DUSP13B: variants seen among roughly 807,000 people sequenced by gnomAD.
DUSP13B encodes dual specificity phosphatase 13B.
the DUSP13B span, chr10:75,105,627 C>T: frequency 1.3e-6 from 2 of 1,538,550 alleles, no homozygotes; most frequent in Non-Finnish European, 1.8e-6. Flanking sequence ...CTCTTCCGGC[C>T]AACCACATCC....
At chr10:75,094,981 C>T in the DUSP13B span, 4 of 1,015,610 alleles carry the variant, frequency 3.9e-6, no homozygotes, top group East Asian at 7.9e-5. Context: ...TCCTGGAATA[C>T]TGACACTGTC....
At chr10:75,101,918 C>T in the DUSP13B span, 1 of 1,367,732 alleles carries the variant, frequency 7.3e-7, no homozygotes, top group Non-Finnish European at 9.8e-7. Context: ...GCAGTTCGTG[C>T]TGCTGGCTTT....
the DUSP13B span, among the ~76,000 whole-genome samples, chr10:75,098,870 G>T: frequency 6.6e-6 from 1 of 152,188 alleles, no homozygotes; most frequent in African/African-American, 2.4e-5. Flanking sequence ...AAGCCATACG[G>T]CTCATGAGTA....
At chr10:75,099,570 A>AT in the DUSP13B span, 1 of 1,224,286 alleles carries the variant, frequency 8.2e-7, no homozygotes, top group Non-Finnish European at 1.0e-6. Flanking sequence ...TGGGGCGCCC[A>AT]TGGGGGGTGG....
chr10:75,107,937 G>T, the DUSP13B span: 2 of 1,532,708 alleles, frequency 1.3e-6, no homozygotes, highest in Non-Finnish European at 1.8e-6. Flanking sequence ...AGGAAATGAG[G>T]CATCCTCCCC....
chr10:75,108,402 G>GGT, the DUSP13B span: 15 of 1,025,610 alleles, frequency 1.5e-5, no homozygotes, highest in Non-Finnish European at 1.9e-5. Flanking sequence ...CTGAGCCGGC[G>GGT]GTGTGTGTGT....
chr10:75,094,918 G>C, the DUSP13B span: 53 of 1,585,616 alleles, frequency 3.3e-5, no homozygotes, highest in Middle Eastern at 5.0e-4. Context: ...ACCTGCCCTT[G>C]AACCACCCAC....
At chr10:75,107,543 G>C in the DUSP13B span, among the ~76,000 whole-genome samples, 2 of 152,116 alleles carry the variant, frequency 1.3e-5, no homozygotes, top group African/African-American at 4.8e-5. Context: ...GGAAGGAATC[G>C]GGTTCGACAA....
the DUSP13B span, chr10:75,104,136 C>T: frequency 7.7e-7 from 1 of 1,300,056 alleles, no homozygotes; most frequent in Non-Finnish European, 1.0e-6. Context: ...GGCAGGTGAA[C>T]CAAGGCCCAG....
chr10:75,105,710 A>C, the DUSP13B span: 1 of 1,552,824 alleles, frequency 6.4e-7, no homozygotes, highest in Non-Finnish European at 8.7e-7. Flanking sequence ...TCCAGCCTGC[A>C]GAGCTGGTGC....
the DUSP13B span, chr10:75,097,920 A>G: frequency 2.4e-5 from 36 of 1,520,970 alleles, no homozygotes; most frequent in Non-Finnish European, 2.8e-5. Context: ...GGCTGGAGGC[A>G]GGCTCCCAGA....
At chr10:75,102,199 G>A in the DUSP13B span, among the ~76,000 whole-genome samples, 6 of 152,174 alleles carry the variant, frequency 3.9e-5, no homozygotes, top group African/African-American at 7.2e-5. Context: ...AGAAGGGGCC[G>A]GGCGCGGTGG....
chr10:75,109,117 T>C, the DUSP13B span: 8 of 1,610,564 alleles, frequency 5.0e-6, no homozygotes, highest in African/African-American at 1.1e-4. Context: ...AGGCGTGGCT[T>C]TGTCCTCTCC....
At chr10:75,094,835 G>A in the DUSP13B span, 1 of 1,614,202 alleles carries the variant, frequency 6.2e-7, no homozygotes, top group African/African-American at 1.3e-5. Flanking sequence ...GGACAAGTGT[G>A]GCAGAGCGGC....
the DUSP13B span, chr10:75,094,805 A>G: frequency 1.2e-6 from 2 of 1,612,900 alleles, no homozygotes; most frequent in South Asian, 2.2e-5. Flanking sequence ...TCATGTTCTC[A>G]CAGATCATGA....
At chr10:75,100,628 T>G in the DUSP13B span, among the ~76,000 whole-genome samples, 3 of 152,110 alleles carry the variant, frequency 2.0e-5, no homozygotes, top group Non-Finnish European at 4.4e-5. Flanking sequence ...CCCCTCCCAC[T>G]CCCTGCAGTC....
the DUSP13B span, among the ~76,000 whole-genome samples, chr10:75,106,101 C>CTTTTTTTTTTTT: frequency 8.1e-6 from 1 of 123,024 alleles, no homozygotes. Flanking sequence ...TCTTTCTTTT[C>CTTTTTTTTTTTT]TTTTTTTTTT....
the DUSP13B span, chr10:75,099,131 G>C: frequency 8.1e-7 from 1 of 1,232,272 alleles, no homozygotes; most frequent in Non-Finnish European, 1.0e-6. Context: ...CTGCGGAGCT[G>C]GATTTTCAGC....
At chr10:75,094,711 C>T in the DUSP13B span, 7 of 1,614,026 alleles carry the variant, frequency 4.3e-6, no homozygotes, top group Admixed American at 1.7e-5. Flanking sequence ...AGTCGGTTGT[C>T]CAGAACCTGG....
Sources: allele counts gnomAD v4.1 joint callset (sites outside exome capture counted in the v4.1 genomes callset), GRCh38; gene constraint gnomAD v4.1.1; transcripts MANE v1.5; gene names NCBI Gene and HGNC (gene_info 2026-07-23, HGNC 2026-07-21).